Variants in ARMC2 observed in about 807,000 individuals in gnomAD.
ARMC2 encodes the protein armadillo repeat-containing protein 2.
In ARMC2, 67 loss-of-function variants were observed where a neutral mutation model predicts 90.3. That is an observed-to-expected ratio of 0.74 (90% CI 0.61 to 0.91). The LOEUF (loss-of-function observed/expected upper bound fraction) is 0.91. ARMC2 is among the 40% of genes least tolerant of loss of function. ARMC2 has a pLI of 0.00. For synonymous variants in ARMC2, 393 were observed against 393.0 expected (o/e 1.00, Z 0.00); for missense variants, 920 against 1,030.9 (o/e 0.89, Z 1.47).
Position 108,868,975 on chromosome 6 carries a change from G to C in ARMC2, c.443G>C (p.Arg148Thr). ...AASQRALLPD[R>T]SLPPSDSKKT... is the part of the protein sequence containing the mutation. ...TCCCAGCGGGCCCTTCTGCCGGACA[G>C]ATCCCTTCCTCCCTCCGACTGTAAG... Residue 148 changes from arginine to threonine, a missense_variant, in exon 4 of 18, where the codon AGA (arginine) becomes ACA (threonine). By Grantham distance (71) the Arg-to-Thr change is moderately conservative. Transcript: ENST00000392644. 1 of 1,612,936 alleles carries C rather than the reference G, an allele frequency of 6.2e-7. No individual in the cohort carries two copies. Among genetic ancestry groups the C allele is most frequent in the Non-Finnish European group, 8.5e-7 (1 of 1,179,454 alleles).
At chr6:108,898,522 C>G (rs1771827965) in intron 6 of ARMC2, among the ~76,000 whole-genome samples, 1 of 152,216 alleles carries the variant, frequency 6.6e-6, no homozygotes, top group Non-Finnish European at 1.5e-5. Flanking sequence ...TCAGTAATGC[C>G]TCAGCACAGC....
chr6:108,948,347 A>T (rs1456590224), intron 12 of ARMC2, among the ~76,000 whole-genome samples: 1 of 151,506 alleles, frequency 6.6e-6, no homozygotes, highest in Non-Finnish European at 1.5e-5. Flanking sequence ...AGAAAACACT[A>T]CCTCTGCTGA....
At chr6:108,950,174 C>G (rs182978324) in intron 12 of ARMC2, among the ~76,000 whole-genome samples, 51 of 152,218 alleles carry the variant, frequency 3.4e-4, no homozygotes, top group African/African-American at 1.1e-3. Context: ...CCACTACACT[C>G]TAGCCTGGGC....
rs139912651 is a variant in ARMC2 at position 108,940,485 on chromosome 6, G to A, written c.1596+3486G>A. Among the ~76,000 whole-genome samples the A allele has an allele frequency of 3.9e-5, 6 of 152,280 alleles. No homozygotes were observed. In the East Asian group the frequency reaches 1.2e-3, roughly 29 times the overall value. On this transcript the variant is annotated intron_variant, in intron 12 of 17. Transcript: ENST00000392644. ...ACCAGGTGTGATGTTTACATAGCAC[G>A]CAGGGAAGGTGGCCACCCCAACCTA...
At chr6:108,948,820 G>C (rs148713222) in intron 12 of ARMC2, among the ~76,000 whole-genome samples, 3 of 152,210 alleles carry the variant, frequency 2.0e-5, no homozygotes, top group Non-Finnish European at 4.4e-5. Flanking sequence ...TCCCAGATTA[G>C]ACTGCATGTG....
downstream of ARMC2, among the ~76,000 whole-genome samples, chr6:108,974,970 G>A (rs1778955773): frequency 6.6e-6 from 1 of 151,614 alleles, no homozygotes; most frequent in Non-Finnish European, 1.5e-5. Flanking sequence ...AGCTACTCGC[G>A]AGGCTGAGGC....
chr6:108,982,812 CTTT>C, the ARMC2 span, among the ~76,000 whole-genome samples: 3 of 127,220 alleles, frequency 2.4e-5, no homozygotes, highest in Non-Finnish European at 1.7e-5. Flanking sequence ...TTGGACTTTT[CTTT>C]TTTTTTTTTT....
chr6:108,848,797 G>T (rs1224882089), intron 1 of ARMC2: 1 of 152,360 alleles, frequency 6.6e-6, no homozygotes, highest in Non-Finnish European at 1.5e-5. Flanking sequence ...TGCCGTGGGT[G>T]GGGGAGCCGC....
the ARMC2 span, among the ~76,000 whole-genome samples, chr6:109,048,646 G>T: frequency 8.5e-5 from 13 of 152,236 alleles, no homozygotes; most frequent in African/African-American, 2.2e-4. Flanking sequence ...ACAAGTAGGA[G>T]AATTTTTTTT....
the ARMC2 span, among the ~76,000 whole-genome samples, chr6:109,012,544 A>C: frequency 6.6e-6 from 1 of 152,156 alleles, no homozygotes; most frequent in African/African-American, 2.4e-5. Context: ...GAGAACTATG[A>C]AATATTAGGG....
chr6:109,015,200 A>C, the ARMC2 span, among the ~76,000 whole-genome samples: 4 of 152,120 alleles, frequency 2.6e-5, no homozygotes, highest in African/African-American at 9.7e-5. Flanking sequence ...TCTGTGAGGG[A>C]ATTAGCTTCT....
chr6:108,870,359 A>C (rs1056247584), intron 4 of ARMC2, among the ~76,000 whole-genome samples: 4 of 152,194 alleles, frequency 2.6e-5, no homozygotes, highest in Non-Finnish European at 5.9e-5. Context: ...ACAATGGGGC[A>C]TGATCGGAGC....
At chr6:108,948,891 T>TA (rs1776985717) in intron 12 of ARMC2, among the ~76,000 whole-genome samples, 1 of 152,148 alleles carries the variant, frequency 6.6e-6, no homozygotes, top group Non-Finnish European at 1.5e-5. Flanking sequence ...ATCTATTTTT[T>TA]ACCAGGATCT....
intron 5 of ARMC2, among the ~76,000 whole-genome samples, chr6:108,891,230 A>G (rs1234328385): frequency 6.6e-6 from 1 of 152,200 alleles, no homozygotes; most frequent in Non-Finnish European, 1.5e-5. Context: ...ATGTGTCATT[A>G]TAGTAGAATG....
chr6:109,027,422 A>G, the ARMC2 span, among the ~76,000 whole-genome samples: 7 of 137,866 alleles, frequency 5.1e-5, no homozygotes, highest in Non-Finnish European at 7.6e-5. Context: ...GGCTGCAGTG[A>G]GCTGAGATCG....
At chr6:109,014,333 G>A in the ARMC2 span, among the ~76,000 whole-genome samples, 1 of 152,150 alleles carries the variant, frequency 6.6e-6, no homozygotes, top group Non-Finnish European at 1.5e-5. Flanking sequence ...CACTTTACAT[G>A]TATAAAGCAG....
At chr6:109,040,391 C>A in the ARMC2 span, among the ~76,000 whole-genome samples, 2 of 152,108 alleles carry the variant, frequency 1.3e-5, no homozygotes, top group African/African-American at 2.4e-5. Context: ...TAAAAGGTTT[C>A]ATTTATTGTT....
At chr6:109,000,792 A>G in the ARMC2 span, 3 of 786,918 alleles carry the variant, frequency 3.8e-6, no homozygotes, top group African/African-American at 3.6e-5. Flanking sequence ...AATTTTCCGT[A>G]AACTACAGAA....
At chr6:108,871,550 T>A (rs1164940133) in intron 4 of ARMC2, among the ~76,000 whole-genome samples, 1 of 152,192 alleles carries the variant, frequency 6.6e-6, no homozygotes, top group Non-Finnish European at 1.5e-5. Flanking sequence ...TTGTTTTTTA[T>A]TCTGTGTTCT....
Sources: gnomAD v4.1 joint callset for allele counts (sites outside exome capture counted in the v4.1 genomes callset) on GRCh38, gnomAD v4.1.1 for gene constraint, MANE v1.5 for transcripts, NCBI Gene and HGNC (gene_info 2026-07-23, HGNC 2026-07-21) for gene names.